The following SKIC2 variants were observed in gnomAD, a reference collection of about 807,000 sequenced individuals.
SKIC2 encodes superkiller complex protein 2.
At chr6:31,967,424 C>A in the SKIC2 span, 1 of 1,442,984 alleles carries the variant, frequency 6.9e-7, no homozygotes, top group Non-Finnish European at 9.7e-7. This position sits in a 1 kb window ranked among gnomAD's most constrained non-coding sequence, Gnocchi z 4.9. Flanking sequence ...AGGGAGCAAG[C>A]CCTCTCTCCA....
chr6:31,967,417 G>A, the SKIC2 span: 1 of 1,478,800 alleles, frequency 6.8e-7, no homozygotes, highest in Non-Finnish European at 9.4e-7. The surrounding 1 kb of genome is among the most constrained non-coding windows in gnomAD (Gnocchi z 4.9). Context: ...GGGTGGGAGG[G>A]AGCAAGCCCT....
chr6:31,968,535 C>A, the SKIC2 span: 1 of 1,611,802 alleles, frequency 6.2e-7, no homozygotes, highest in Non-Finnish European at 8.5e-7. The surrounding 1 kb of genome is among the most constrained non-coding windows in gnomAD (Gnocchi z 6.1). Flanking sequence ...GTTTTCCTGC[C>A]CAGGTAGGAC....
the SKIC2 span, chr6:31,964,182 T>C: frequency 1.1e-5 from 18 of 1,608,340 alleles, no homozygotes; most frequent in Non-Finnish European, 1.5e-5. This position sits in a 1 kb window ranked among gnomAD's most constrained non-coding sequence, Gnocchi z 5.0. Flanking sequence ...CTGGTGGGGA[T>C]AGGGTGTTCC....
chr6:31,960,176 C>G, the SKIC2 span: 1 of 1,606,710 alleles, frequency 6.2e-7, no homozygotes, highest in Middle Eastern at 1.7e-4. Context: ...GAAGCTGGGA[C>G]AGAGGAAGAA....
chr6:31,966,731 C>T, the SKIC2 span: 1 of 1,614,124 alleles, frequency 6.2e-7, no homozygotes, highest in Non-Finnish European at 8.5e-7. The surrounding 1 kb of genome is among the most constrained non-coding windows in gnomAD (Gnocchi z 5.9). Flanking sequence ...CAGCTGCAGT[C>T]CCAGTTCCGC....
the SKIC2 span, chr6:31,967,816 G>A: frequency 1.2e-6 from 2 of 1,612,948 alleles, no homozygotes; most frequent in South Asian, 2.2e-5. This position sits in a 1 kb window ranked among gnomAD's most constrained non-coding sequence, Gnocchi z 4.9. Flanking sequence ...CTGCAGAGGT[G>A]CCCTATCCAG....
the SKIC2 span, chr6:31,969,538 C>T: frequency 1.7e-5 from 28 of 1,613,672 alleles, no homozygotes; most frequent in Non-Finnish European, 2.3e-5. The surrounding 1 kb of genome is among the most constrained non-coding windows in gnomAD (Gnocchi z 6.1). Flanking sequence ...TGGCAGGGCT[C>T]TCAGGGACCC....
At chr6:31,968,985 G>A in the SKIC2 span, 2 of 1,612,912 alleles carry the variant, frequency 1.2e-6, no homozygotes, top group Non-Finnish European at 1.7e-6. This position sits in a 1 kb window ranked among gnomAD's most constrained non-coding sequence, Gnocchi z 6.1. Flanking sequence ...GTTTGACAAT[G>A]CACTGAGCAC....
chr6:31,959,222 G>C, the SKIC2 span: 6 of 1,608,844 alleles, frequency 3.7e-6, 1 homozygote, highest in Middle Eastern at 5.0e-4. Flanking sequence ...TTGGTGAGGG[G>C]GAGGGGAGGG....
the SKIC2 span, chr6:31,963,156 G>C: frequency 8.5e-7 from 1 of 1,170,988 alleles, no homozygotes; most frequent in African/African-American, 1.5e-5. The surrounding 1 kb of genome is among the most constrained non-coding windows in gnomAD (Gnocchi z 5.3). Context: ...TCGGGTGGGG[G>C]ACTAAGTCTA....
At chr6:31,966,398 G>A in the SKIC2 span, among the ~76,000 whole-genome samples, 10 of 152,120 alleles carry the variant, frequency 6.6e-5, no homozygotes, top group Non-Finnish European at 1.2e-4. This position sits in a 1 kb window ranked among gnomAD's most constrained non-coding sequence, Gnocchi z 5.9. Flanking sequence ...GGGCCACAGC[G>A]CCCAACTTCC....
the SKIC2 span, chr6:31,969,465 G>C: frequency 6.2e-7 from 1 of 1,613,840 alleles, no homozygotes; most frequent in Non-Finnish European, 8.5e-7. This position sits in a 1 kb window ranked among gnomAD's most constrained non-coding sequence, Gnocchi z 6.1. Flanking sequence ...TGGCTGGGGA[G>C]AACCTGCCCA....
the SKIC2 span, chr6:31,962,527 G>A: frequency 6.8e-6 from 11 of 1,614,056 alleles, no homozygotes; most frequent in Middle Eastern, 1.7e-4. The surrounding 1 kb of genome is among the most constrained non-coding windows in gnomAD (Gnocchi z 5.0). Context: ...GCTGCTCACC[G>A]GGGATGTACA....
At chr6:31,962,387 T>C in the SKIC2 span, 4 of 1,600,580 alleles carry the variant, frequency 2.5e-6, no homozygotes, top group African/African-American at 5.4e-5. The surrounding 1 kb of genome is among the most constrained non-coding windows in gnomAD (Gnocchi z 5.0). Context: ...GGAGAGGAAG[T>C]GCGGGCCATG....
At chr6:31,959,305 C>G in the SKIC2 span, 35 of 1,613,462 alleles carry the variant, frequency 2.2e-5, no homozygotes, top group Admixed American at 3.3e-4. Context: ...AGTGCTACCC[C>G]CTCCAGATCC....
the SKIC2 span, chr6:31,959,655 T>C: frequency 1.8e-6 from 1 of 556,086 alleles, no homozygotes; most frequent in Non-Finnish European, 3.2e-6. Flanking sequence ...CTCCCTTCTG[T>C]ATCCAAGCAC....
chr6:31,959,342 A>C, the SKIC2 span: 1 of 1,613,946 alleles, frequency 6.2e-7, no homozygotes, highest in Non-Finnish European at 8.5e-7. Flanking sequence ...CGGGCCGTGG[A>C]GCTCGGATGC....
the SKIC2 span, chr6:31,964,432 G>A: frequency 0.022 from 21,076 of 948,864 alleles, 306 homozygotes; most frequent in Non-Finnish European, 0.024. The surrounding 1 kb of genome is among the most constrained non-coding windows in gnomAD (Gnocchi z 5.0). Flanking sequence ...GTTTAGGCAG[G>A]CCAGTGCTGT....
At chr6:31,969,323 T>A in the SKIC2 span, 4 of 1,614,046 alleles carry the variant, frequency 2.5e-6, no homozygotes. The surrounding 1 kb of genome is among the most constrained non-coding windows in gnomAD (Gnocchi z 6.1). Context: ...ATTGGTGAGG[T>A]CCAGGTGGCT....
Sources: allele counts gnomAD v4.1 joint callset (sites outside exome capture counted in the v4.1 genomes callset), GRCh38; gene constraint gnomAD v4.1.1; non-coding constraint Gnocchi (gnomAD v3.1); transcripts MANE v1.5; gene names NCBI Gene and HGNC (gene_info 2026-07-23, HGNC 2026-07-21).